PHF8: variants seen among roughly 807,000 people sequenced by gnomAD.
PHF8 encodes histone lysine demethylase PHF8.
A neutral mutation model predicts 74.4 loss-of-function variants in PHF8; 9 were observed. That is an observed-to-expected ratio of 0.12 (90% CI 0.07 to 0.21). PHF8 has a LOEUF of 0.21. Among genes scored for constraint, PHF8 ranks in the 10% least tolerant of loss-of-function variants. The pLI, the probability that PHF8 is intolerant of heterozygous loss-of-function variation, is 1.00. For synonymous variants in PHF8, 311 were observed against 316.6 expected, an observed-to-expected ratio of 0.98 and a Z score of 0.19; for missense variants, 478 against 816.6, an observed-to-expected ratio of 0.59 and a Z score of 5.05.
chrX:53,995,804 GA>G, intron 11 of PHF8, 22 bp from the exon 12 acceptor site: 2 of 1,010,257 alleles, frequency 2.0e-6, no homozygotes, highest in Non-Finnish European at 2.8e-6. Flanking sequence ...GAGGCATGAG[GA>G]ATAAACCCAC....
Position 53,985,234 on chromosome X carries a change from G to A in PHF8, c.2130-7C>T. Reference sequence around the variant, plus strand: ...GGGAGAAGCTGGGGCCTCGCTGCAAGGAACAGAGGAGAAATACTGAGAGAG... The same window carrying A: ...GGGAGAAGCTGGGGCCTCGCTGCAAAGAACAGAGGAGAAATACTGAGAGAG... On this transcript the variant is annotated splice_region_variant and splice_polypyrimidine_tract_variant and intron_variant, in intron 17 of 21. Transcript: ENST00000338154. 1 of 1,180,856 alleles carries A rather than the reference G, an allele frequency of 8.5e-7. No individual in the cohort carries two copies. Among genetic ancestry groups the A allele is most frequent in the Non-Finnish European group, 1.1e-6 (1 of 874,693 alleles).
intron 18 of PHF8, among the ~76,000 whole-genome samples, chrX:53,967,085 C>T (rs1168878719): frequency 9.0e-6 from 1 of 110,759 alleles, no homozygotes; most frequent in Non-Finnish European, 1.9e-5. Context: ...GCAGCCACCC[C>T]GTCTGGGAAG....
At chrX:54,039,064 G>A (rs1267384069) in intron 2 of PHF8, among the ~76,000 whole-genome samples, 1 of 106,665 alleles carries the variant, frequency 9.4e-6, no homozygotes, top group Non-Finnish European at 1.9e-5. Flanking sequence ...AACCCAGGAG[G>A]CAGAGGTTGC....
intron 19 of PHF8, among the ~76,000 whole-genome samples, chrX:53,958,677 G>A (rs1414742081): frequency 3.9e-5 from 4 of 103,639 alleles, no homozygotes; most frequent in Non-Finnish European, 7.8e-5. Flanking sequence ...TCGGGAGGCT[G>A]AGGCAGGAGA....
intron 12 of PHF8, among the ~76,000 whole-genome samples, chrX:53,995,454 G>C (rs1190012352): frequency 1.8e-5 from 2 of 111,972 alleles, no homozygotes; most frequent in Admixed American, 9.5e-5. Context: ...CTTTGCTCAG[G>C]GTCCTCTATT....
At chrX:53,969,777 A>G (rs1047404630) in intron 18 of PHF8, among the ~76,000 whole-genome samples, 7 of 112,130 alleles carry the variant, frequency 6.2e-5, no homozygotes, top group Non-Finnish European at 1.1e-4. Flanking sequence ...AAACAGATAC[A>G]TGGGCCAACA....
intron 8 of PHF8, 75 bp from the exon 9 acceptor site, chrX:54,002,757 C>T (rs2065845050): frequency 1.0e-5 from 7 of 675,507 alleles, no homozygotes; most frequent in Non-Finnish European, 1.7e-5. Flanking sequence ...ACCTACTCAT[C>T]TCAAACCCAA....
chrX:53,987,286 T>C (rs1406642521), intron 15 of PHF8, 123 bp from the exon 16 acceptor site: 4 of 497,674 alleles, frequency 8.0e-6, no homozygotes, highest in African/African-American at 7.1e-5. Context: ...ATTTAGAGGT[T>C]AGGGATCAGG....
At chrX:53,946,062 A>C (rs1216326603) in intron 19 of PHF8, among the ~76,000 whole-genome samples, 2 of 112,255 alleles carry the variant, frequency 1.8e-5, no homozygotes, top group African/African-American at 6.5e-5. Context: ...CAGGATAACC[A>C]AACAGCCCTA....
At position 54,022,776 on chromosome X, in the gene PHF8, A is replaced by G; in HGVS notation, c.166T>C (p.Leu56=). The change falls in exon 3 of 22, where the codon TTG becomes CTG. Residue 56 remains leucine, a synonymous_variant. Transcript: ENST00000338154. ...TACTTACTAATGGAGGGCCCATGCA[A>G]GACTTCACAGTTGGGGCAGTGGTAG... ...DLYHCPNCEV[L]HGPSIMKKRR... 1.7e-6 allele frequency: 2 copies of G among 1,180,803 alleles called. No homozygotes were observed. Among genetic ancestry groups the G allele is most frequent in the Non-Finnish European group, 2.3e-6 (2 of 867,481 alleles).
chrX:53,947,771 G>A (rs782686596), intron 19 of PHF8, among the ~76,000 whole-genome samples: 9 of 112,282 alleles, frequency 8.0e-5, no homozygotes, highest in African/African-American at 2.6e-4. Flanking sequence ...CTGCTTGTTG[G>A]AACACTCATG....
At position 53,982,932 on chromosome X, in the gene PHF8, G is replaced by A. The variant is rs1452081306; in HGVS notation, c.2443+1982C>T. On this transcript the variant is annotated intron_variant, in intron 18 of 21. Coordinates refer to ENST00000338154, the MANE Select transcript of PHF8 (RefSeq NM_015107.3). Reference sequence around the variant, plus strand: ...AAGATGGCTGGATGCAGTGGCTCACGCCTATAATCCCAGCACTTTGGGAGA... The same window carrying A: ...AAGATGGCTGGATGCAGTGGCTCACACCTATAATCCCAGCACTTTGGGAGA... 6.2e-5 allele frequency among the ~76,000 whole-genome samples: 7 copies of A among 112,126 alleles called. No homozygotes were observed. The South Asian group carries it at 1.5e-3, about 24-fold the overall frequency.
chrX:54,003,041 A>G (rs1394273149), intron 8 of PHF8, among the ~76,000 whole-genome samples: 1 of 112,149 alleles, frequency 8.9e-6, no homozygotes, highest in Non-Finnish European at 1.9e-5. Flanking sequence ...ATTAACCTAG[A>G]TATTATAGAG....
chrX:54,021,569 C>T (rs1043010514), intron 4 of PHF8, among the ~76,000 whole-genome samples: 7 of 100,339 alleles, frequency 7.0e-5, no homozygotes, highest in Non-Finnish European at 1.4e-4. Flanking sequence ...CCCGGGTTCA[C>T]GCCATTCTCC....
At chrX:53,977,940 C>G (rs1277732087) in intron 18 of PHF8, among the ~76,000 whole-genome samples, 2 of 104,355 alleles carry the variant, frequency 1.9e-5, no homozygotes, top group Non-Finnish European at 3.9e-5. Context: ...GCCACTGCGC[C>G]CGGCCTTTTT....
intron 3 of PHF8, 41 bp downstream of exon 3, chrX:54,022,717 C>T (rs782753820): frequency 2.2e-6 from 2 of 906,785 alleles, no homozygotes; most frequent in Non-Finnish European, 3.2e-6. Flanking sequence ...TTTGTCTCTC[C>T]TCTGGATTGT....
chrX:53,960,080 T>A (rs899014729), intron 19 of PHF8, among the ~76,000 whole-genome samples: 1 of 108,525 alleles, frequency 9.2e-6, no homozygotes, highest in Non-Finnish European at 1.9e-5. Context: ...CTATACTTTT[T>A]TGTGTGTGTG....
intron 2 of PHF8, 95 bp downstream of exon 2, chrX:54,042,536 G>T: frequency 1.3e-6 from 1 of 781,815 alleles, no homozygotes; most frequent in Non-Finnish European, 1.9e-6. Flanking sequence ...AGGGGGTCCT[G>T]AGCCGGAATC....
At chrX:53,949,955 C>A (rs5960395) in intron 19 of PHF8, among the ~76,000 whole-genome samples, 34,921 of 109,180 alleles carry the variant, frequency 0.32, 8,057 homozygotes, top group African/African-American at 0.82. Flanking sequence ...CATCAGTAAA[C>A]ATGGCAAAGG....
Sources: allele counts gnomAD v4.1 joint callset (sites outside exome capture counted in the v4.1 genomes callset), GRCh38; gene constraint gnomAD v4.1.1; transcripts MANE v1.5; gene names NCBI Gene and HGNC (gene_info 2026-07-23, HGNC 2026-07-21).